The following MOB3B variants were observed in gnomAD, a reference collection of about 807,000 sequenced individuals.
MOB3B encodes the protein MOB kinase activator-like 2B.
In MOB3B, 7 loss-of-function variants were observed where a neutral mutation model predicts 18.7. The observed-to-expected ratio is 0.37, with a 90% confidence interval of 0.21 to 0.70. MOB3B has a LOEUF of 0.70. Ranked by LOEUF, MOB3B falls within the 30% of genes least tolerant of loss-of-function variation. The pLI is 0.52. For missense variants in MOB3B, 253 were observed against 281.3 expected, an observed-to-expected ratio of 0.90 and a Z score of 0.72; for synonymous variants, 111 against 99.9, an observed-to-expected ratio of 1.11 and a Z score of -0.66.
intron 2 of MOB3B, among the ~76,000 whole-genome samples, chr9:27,440,277 T>C (rs983914622): frequency 2.0e-4 from 30 of 152,204 alleles, no homozygotes; most frequent in African/African-American, 7.0e-4. Flanking sequence ...AGTGCCCTTG[T>C]CATGGGGCTC....
chr9:27,416,259 AG>A (rs1822146856), intron 2 of MOB3B, among the ~76,000 whole-genome samples: 1 of 152,188 alleles, frequency 6.6e-6, no homozygotes, highest in Admixed American at 6.5e-5. Flanking sequence ...GGTATGCTTA[AG>A]GATCAGTTAA....
chr9:27,506,765 C>T (rs923742550), intron 1 of MOB3B, among the ~76,000 whole-genome samples: 8 of 151,092 alleles, frequency 5.3e-5, no homozygotes, highest in Admixed American at 5.3e-4. Flanking sequence ...CTCCTGACCT[C>T]GTGATCCGCC....
chr9:27,403,202 G>A (rs890820123), intron 2 of MOB3B, among the ~76,000 whole-genome samples: 3 of 152,178 alleles, frequency 2.0e-5, no homozygotes, highest in Non-Finnish European at 4.4e-5. Context: ...ACTTAACCTA[G>A]CCATACATAT....
intron 2 of MOB3B, among the ~76,000 whole-genome samples, chr9:27,407,694 C>G (rs1489085370): frequency 6.6e-6 from 1 of 152,162 alleles, no homozygotes; most frequent in East Asian, 1.9e-4. Context: ...TCATTCTTAT[C>G]TCTTCTGCAG....
chr9:27,419,022 G>C (rs1822199608), intron 2 of MOB3B, among the ~76,000 whole-genome samples: 1 of 130,998 alleles, frequency 7.6e-6, no homozygotes, highest in African/African-American at 2.9e-5. Flanking sequence ...ACCAAGCGGG[G>C]AATCAAATCA....
rs73646511 is a variant in MOB3B, at chr9:27,508,624, A to G, written c.-199+20931T>C. Among the ~76,000 whole-genome samples the G allele has an allele frequency of 3.1e-3, 477 of 152,312 alleles. 3 individuals carry two copies. The highest frequency in any genetic ancestry group is 0.011 in the African/African-American group (464 of 41,568). On this transcript the variant is annotated intron_variant, in intron 1 of 3. Coordinates refer to ENST00000262244, the MANE Select transcript of MOB3B (RefSeq NM_024761.5). The stretch of plus-strand genomic sequence containing the variant: ...ATATTAAAATATTAACTCACACACA[A>G]AAAAACGAGTGAGATAAGGTGTCAG...
At chr9:27,420,415 T>C (rs1822224371) in intron 2 of MOB3B, among the ~76,000 whole-genome samples, 1 of 151,510 alleles carries the variant, frequency 6.6e-6, no homozygotes, top group Admixed American at 6.6e-5. Flanking sequence ...CAATTGTCCA[T>C]CGATCAACGA....
intron 1 of MOB3B, among the ~76,000 whole-genome samples, chr9:27,461,422 A>C (rs946723187): frequency 6.6e-6 from 1 of 152,098 alleles, no homozygotes; most frequent in Non-Finnish European, 1.5e-5. Context: ...CAGCTTTGCT[A>C]TTTTTTTCCC....
chr9:27,510,269 C>G (rs539757473), intron 1 of MOB3B, among the ~76,000 whole-genome samples: 1 of 152,296 alleles, frequency 6.6e-6, no homozygotes, highest in South Asian at 2.1e-4. Flanking sequence ...TGTTTAAAAT[C>G]AGAGAAAACA....
intron 1 of MOB3B, among the ~76,000 whole-genome samples, chr9:27,496,685 A>G (rs1587258364): frequency 6.6e-6 from 1 of 152,242 alleles, no homozygotes; most frequent in East Asian, 1.9e-4. Flanking sequence ...TAATCAAGTC[A>G]GCCTAAGCAG....
intron 2 of MOB3B, among the ~76,000 whole-genome samples, chr9:27,395,093 G>T (rs1452069430): frequency 1.3e-5 from 2 of 152,318 alleles, no homozygotes; most frequent in Admixed American, 6.5e-5. Flanking sequence ...TGTTTGGGGG[G>T]TGGAGAAAAG....
chr9:27,501,954 T>C (rs2131495532), intron 1 of MOB3B, among the ~76,000 whole-genome samples: 1 of 152,326 alleles, frequency 6.6e-6, no homozygotes, highest in South Asian at 2.1e-4. Flanking sequence ...TGTGTAGTCC[T>C]TGATGCTCTT....
intron 1 of MOB3B, among the ~76,000 whole-genome samples, chr9:27,504,769 C>A (rs1334506373): frequency 6.6e-6 from 1 of 152,200 alleles, no homozygotes; most frequent in Non-Finnish European, 1.5e-5. Context: ...TAACACATTA[C>A]CACAAACTTA....
At chr9:27,450,255 C>T (rs940521839) in intron 2 of MOB3B, among the ~76,000 whole-genome samples, 2 of 152,170 alleles carry the variant, frequency 1.3e-5, no homozygotes, top group South Asian at 4.1e-4. Flanking sequence ...ACTAGACATT[C>T]TGGACATTAT....
rs998096281 is a variant in MOB3B at position 27,434,167 on chromosome 9, G to A, written c.418+20966C>T. ...ACTGATGTAGATTAGAATACCCCTC[G>A]GAGGACAAATGCTGCCTTACAAGTG... On this transcript the variant is annotated intron_variant, in intron 2 of 3. Transcript: ENST00000262244. Among the ~76,000 whole-genome samples the A allele has an allele frequency of 2.0e-5, 3 of 152,106 alleles. No individual in the cohort carries two copies. The East Asian group carries it at 5.8e-4, about 29-fold the overall frequency.
chr9:27,420,897 C>T (rs926843513), intron 2 of MOB3B, among the ~76,000 whole-genome samples: 2 of 106,372 alleles, frequency 1.9e-5, no homozygotes, highest in Non-Finnish European at 4.5e-5. Context: ...CACTAAAGAA[C>T]TTACTCATGT....
rs149430215 is a variant in MOB3B, at chr9:27,425,103, C to T, written c.418+30030G>A. 2.6e-3 allele frequency among the ~76,000 whole-genome samples: 401 copies of T among 152,176 alleles called. 1 individual carries two copies. The highest frequency in any genetic ancestry group is 8.8e-3 in the African/African-American group (365 of 41,544). On this transcript the variant is annotated intron_variant, in intron 2 of 3. Transcript: ENST00000262244. ...CAAAGTAACTGGGGGCATCCAGGCG[C>T]GGTGGCTTGTGCTTGTAATCCCAGC...
intron 1 of MOB3B, among the ~76,000 whole-genome samples, chr9:27,466,711 G>A (rs1819388898): frequency 6.6e-6 from 1 of 152,220 alleles, no homozygotes; most frequent in Non-Finnish European, 1.5e-5. Context: ...TGAGGAAGAA[G>A]CAAAAGCAGA....
chr9:27,444,041 C>T (rs967491952), intron 2 of MOB3B, among the ~76,000 whole-genome samples: 6 of 151,878 alleles, frequency 4.0e-5, no homozygotes, highest in African/African-American at 1.2e-4. Flanking sequence ...GAGCACAAGG[C>T]CATGGCAGAT....
Sources: allele counts gnomAD v4.1 joint callset (sites outside exome capture counted in the v4.1 genomes callset), GRCh38; gene constraint gnomAD v4.1.1; transcripts MANE v1.5; gene names NCBI Gene and HGNC (gene_info 2026-07-23, HGNC 2026-07-21).